NOPCHAP1: variants seen among roughly 807,000 people sequenced by gnomAD.
NOPCHAP1 encodes NOP protein chaperone 1, also known as DNA damage-sensitive RNA 1.
Under a neutral mutation model 14.0 loss-of-function variants are expected in NOPCHAP1, and 13 were observed. The observed-to-expected ratio is 0.93, with a 90% CI of 0.60 to 1.47. The LOEUF is 1.47. Among genes scored for constraint, NOPCHAP1 ranks in the 40% most tolerant of loss-of-function variants. The pLI, the probability that NOPCHAP1 is intolerant of heterozygous loss-of-function variation, is 0.00. For missense variants in NOPCHAP1, 230 were observed against 226.9 expected (o/e 1.01, Z -0.09); for synonymous variants, 78 against 78.4 (o/e 1.00, Z 0.03).
rs1873289370 is a variant in NOPCHAP1 at position 104,988,261 on chromosome 12, C to T, written c.202+8C>T. ...GGATAGAGAGGAGTCCCTGTAAGTA[C>T]CTCTTCCCCTCTCTCACCCTCTCTA... On this transcript the variant is annotated splice_region_variant and intron_variant, in intron 2 of 3. Coordinates refer to ENST00000552951, the MANE Select transcript of NOPCHAP1 (RefSeq NM_152318.3). The T allele has an allele frequency of 1.3e-6, 2 of 1,587,694 alleles. No homozygotes were observed. The highest frequency in any genetic ancestry group is 1.7e-6 in the Non-Finnish European group (2 of 1,157,740).
intron 3 of NOPCHAP1, 118 bp downstream of exon 3, chr12:104,991,966 A>C: frequency 8.2e-7 from 1 of 1,213,400 alleles, no homozygotes; most frequent in Non-Finnish European, 1.1e-6. Flanking sequence ...TCATGTTTCC[A>C]ATGTTGTATA....
At position 105,010,631 on chromosome 12, in the gene NOPCHAP1, CTA is replaced by C. The variant is rs1168224929; in HGVS notation, c.*15936_*15937del. 1.3e-5 allele frequency: 2 copies of C among 152,166 alleles called. No homozygotes were observed. The highest frequency in any genetic ancestry group is 3.8e-4 in the East Asian group (2 of 5,196). 9.4% of individuals were successfully genotyped at this position (152,166 alleles called of 1,614,324 possible). On this transcript the variant is annotated 3_prime_UTR_variant, in exon 4 of 4. Transcript: ENST00000552951. ...GGCATTTAGTGCTATAAATTTCCCTCTAAACACTGCTTTAGCTGTGTCCCAGA... is the reference window on the plus strand; with the variant it reads ...GGCATTTAGTGCTATAAATTTCCCTCAACACTGCTTTAGCTGTGTCCCAGA...
Position 104,988,177 on chromosome 12 carries a change from C to G in NOPCHAP1, c.126C>G (p.Asp42Glu), listed in dbSNP as rs1873285114. 6.2e-7 allele frequency: 1 copy of G among 1,610,512 alleles called. No homozygotes were observed. The highest frequency in any genetic ancestry group is 8.5e-7 in the Non-Finnish European group (1 of 1,177,262). ...AGSDGRGGIW[D>E]RLLINSQPKS... ...TGTCTGTATTTTCAGGTATATGGGACAGGTTGCTCATCAACTCCCAACCTA... is the reference window on the plus strand; with the variant it reads ...TGTCTGTATTTTCAGGTATATGGGAGAGGTTGCTCATCAACTCCCAACCTA... The change falls in exon 2 of 4, where the codon GAC (aspartate) becomes GAG (glutamate). Residue 42 changes from aspartate to glutamate, a missense_variant. By Grantham distance (45) the Asp-to-Glu change is conservative. Coordinates refer to ENST00000552951, the MANE Select transcript of NOPCHAP1 (RefSeq NM_152318.3).
chr12:104,993,689 T>C (rs1004374417), intron 3 of NOPCHAP1, among the ~76,000 whole-genome samples: 2 of 152,224 alleles, frequency 1.3e-5, no homozygotes, highest in African/African-American at 4.8e-5. Context: ...AGCAGTATTT[T>C]AATTTTTTTC....
Position 105,014,694 on chromosome 12 carries a change from T to C in NOPCHAP1, c.*19998T>C, listed in dbSNP as rs1281049605. 2 of 151,992 alleles carry C rather than the reference T, an allele frequency of 1.3e-5. No individual in the cohort carries two copies. The highest frequency in any genetic ancestry group is 4.8e-5 in the African/African-American group (2 of 41,378). The allele number at this position is 151,992 out of a possible 1,614,324, so 9.4% of individuals were successfully genotyped here. On this transcript the variant is annotated 3_prime_UTR_variant, in exon 4 of 4. Transcript: ENST00000552951. Reference sequence around the variant, plus strand: ...TTTTTTTGTAAAGCAAAACTTCTTATCTCAGCTATTAAAACTGTTCCACAC... The same window carrying C: ...TTTTTTTGTAAAGCAAAACTTCTTACCTCAGCTATTAAAACTGTTCCACAC...
In NOPCHAP1 at chr12:104,986,365, G is replaced by A. The variant is rs12580271; in HGVS notation, c.13G>A (p.Gly5Ser). Residue 5 changes from glycine to serine, a missense_variant, in exon 1 of 4, where the codon GGC becomes AGC. Physicochemically the swap from Gly to Ser is moderately conservative, Grantham distance 56. Coordinates refer to ENST00000552951, the MANE Select transcript of NOPCHAP1 (RefSeq NM_152318.3). ...GCTTGAGGGAAGCATGGAGGTCCAT[G>A]GCAAGCCCAAGGCTAGCCCGAGTTG... is the stretch of plus-strand genomic sequence containing the variant. MEVHGKPKASPSCSS... is the reference protein window; with the variant it reads MEVHSKPKASPSCSS... The A allele has an allele frequency of 0.013, 20,473 of 1,609,394 alleles. 825 individuals are homozygous for A. In the East Asian group the frequency reaches 0.15, roughly 12 times the overall value.
intron 3 of NOPCHAP1, 128 bp from the exon 4 acceptor site, chr12:104,994,350 A>C (rs1166830535): frequency 5.2e-6 from 5 of 957,494 alleles, no homozygotes; most frequent in Non-Finnish European, 8.2e-6. Context: ...CTGTCTCCAA[A>C]AAAAACCAAA....
rs1450389142 is a variant in NOPCHAP1, at chr12:104,988,147, T to TTG, written c.116-14_116-13dup. ...TTATGCTGTAGTAAATTAAGGGTGT[T>TTG]TGTGTGTCTGTATTTTCAGGTATAT... is the stretch of plus-strand genomic sequence containing the variant. On this transcript the variant is annotated intron_variant, in intron 1 of 3. Coordinates refer to ENST00000552951, the MANE Select transcript of NOPCHAP1 (RefSeq NM_152318.3). The TTG allele has an allele frequency of 6.4e-7, 1 of 1,569,586 alleles. No homozygotes were observed. Among genetic ancestry groups the TTG allele is most frequent in the Non-Finnish European group, 8.8e-7 (1 of 1,141,316 alleles).
Position 104,998,021 on chromosome 12 carries a change from A to G in NOPCHAP1, c.*3325A>G, listed in dbSNP as rs1247470526. 1 of 152,200 alleles carries G rather than the reference A, an allele frequency of 6.6e-6. No individual in the cohort carries two copies. Among genetic ancestry groups the G allele is most frequent in the African/African-American group, 2.4e-5 (1 of 41,440 alleles). The allele number at this position is 152,200 out of a possible 1,614,324, so 9.4% of individuals were successfully genotyped here. On this transcript the variant is annotated 3_prime_UTR_variant, in exon 4 of 4. Transcript: ENST00000552951. ...TGTGATTGCATTATGCAATTCTTGT[A>G]GTGTGTTTTTCAGCTCTGTCAGATC...
chr12:105,002,106 C>T lies in NOPCHAP1; in HGVS notation c.*7410C>T, dbSNP rs1453935780. ...AAATAAGAATGCAAAATCTCTTTTC[C>T]AGCATCCTAGTTGTTTGCAATGAAG... On this transcript the variant is annotated 3_prime_UTR_variant, in exon 4 of 4. Transcript: ENST00000552951. 2 of 152,122 alleles carry T rather than the reference C, an allele frequency of 1.3e-5. No homozygotes were observed. Among genetic ancestry groups the T allele is most frequent in the African/African-American group, 4.8e-5 (2 of 41,420 alleles). The allele number at this position is 152,122 out of a possible 1,614,324, so 9.4% of individuals were successfully genotyped here. A position where few individuals can be genotyped will look rare whatever the true frequency, so the allele number is the denominator to read the frequency against.
At chr12:104,988,408 G>C (rs1422450115) in intron 2 of NOPCHAP1, among the ~76,000 whole-genome samples, 155 bp downstream of exon 2, 1 of 152,214 alleles carries the variant, frequency 6.6e-6, no homozygotes, top group Non-Finnish European at 1.5e-5. Flanking sequence ...TCAGTACACA[G>C]AATGGAACTT....
rs780475223 is a variant in NOPCHAP1 at position 104,994,610 on chromosome 12, A to G, written c.472A>G (p.Ile158Val). 3 of 1,614,010 alleles carry G rather than the reference A, an allele frequency of 1.9e-6. No individual in the cohort carries two copies. The highest frequency in any genetic ancestry group is 2.5e-6 in the Non-Finnish European group (3 of 1,179,940). Residue 158 changes from isoleucine (I) to valine (V), a missense_variant, in exon 4 of 4, where the codon ATA (isoleucine) becomes GTA (valine). Coordinates refer to ENST00000552951, the MANE Select transcript of NOPCHAP1 (RefSeq NM_152318.3). ...EDDSIPSEVT[I>V]DNIKLPNSEG... ...TGACAGCATCCCATCTGAAGTCACCATAGATAACATTAAGCTTCCCAATTC... is the reference window on the plus strand; with the variant it reads ...TGACAGCATCCCATCTGAAGTCACCGTAGATAACATTAAGCTTCCCAATTC...
At chr12:104,990,773 A>C (rs1373514883) in intron 2 of NOPCHAP1, among the ~76,000 whole-genome samples, 3 of 152,230 alleles carry the variant, frequency 2.0e-5, no homozygotes, top group Non-Finnish European at 4.4e-5. Context: ...AAGAGGTAGA[A>C]TTAAATGTAT....
Position 105,012,656 on chromosome 12 carries a change from C to G in NOPCHAP1, c.*17960C>G, listed in dbSNP as rs943594270. 6.6e-6 allele frequency: 1 copy of G among 152,068 alleles called. No individual in the cohort carries two copies. The highest frequency in any genetic ancestry group is 2.4e-5 in the African/African-American group (1 of 41,368). 9.4% of individuals were successfully genotyped at this position (152,068 alleles called of 1,614,324 possible). On this transcript the variant is annotated 3_prime_UTR_variant, in exon 4 of 4. Coordinates refer to ENST00000552951, the MANE Select transcript of NOPCHAP1 (RefSeq NM_152318.3). ...ACCTTTGCTCTTTTATGTTGGTAAC[C>G]TTTGGGTGGGGTTTCTGTGTGGACG...
chr12:105,004,171 T>C lies in NOPCHAP1; in HGVS notation c.*9475T>C, dbSNP rs1468293525. 6.6e-6 allele frequency: 1 copy of C among 152,214 alleles called. No individual in the cohort carries two copies. The highest frequency in any genetic ancestry group is 1.5e-5 in the Non-Finnish European group (1 of 68,040). 9.4% of individuals were successfully genotyped at this position (152,214 alleles called of 1,614,324 possible). On this transcript the variant is annotated 3_prime_UTR_variant, in exon 4 of 4. Transcript: ENST00000552951. Reference sequence around the variant, plus strand: ...CCAGGGTAGAATGATCTTTATTCTCTTCTATGGTAGAGTTTAGAAAGCTTA... The same window carrying C: ...CCAGGGTAGAATGATCTTTATTCTCCTCTATGGTAGAGTTTAGAAAGCTTA...
rs1296047771 is a variant in NOPCHAP1 at position 105,000,631 on chromosome 12, T to A, written c.*5935T>A. On this transcript the variant is annotated 3_prime_UTR_variant, in exon 4 of 4. Coordinates refer to ENST00000552951, the MANE Select transcript of NOPCHAP1 (RefSeq NM_152318.3). ...CATACTGCAGCAAAAGTCTTGAGGG[T>A]CTGAACTTTTGCTGCAGTGTGGATG... 6.6e-6 allele frequency: 1 copy of A among 152,096 alleles called. No individual in the cohort carries two copies. Among genetic ancestry groups the A allele is most frequent in the African/African-American group, 2.4e-5 (1 of 41,430 alleles). The allele number at this position is 152,096 out of a possible 1,614,324, so 9.4% of individuals were successfully genotyped here.
rs548683927 is a variant in NOPCHAP1, at chr12:104,997,809, G to A, written c.*3113G>A. The A allele has an allele frequency of 3.9e-5, 6 of 152,296 alleles. No individual in the cohort carries two copies. The highest frequency in any genetic ancestry group is 2.6e-4 in the Admixed American group (4 of 15,304). 9.4% of individuals were successfully genotyped at this position (152,296 alleles called of 1,614,324 possible). A position where few individuals can be genotyped will look rare whatever the true frequency, so the allele number is the denominator to read the frequency against. On this transcript the variant is annotated 3_prime_UTR_variant, in exon 4 of 4. Transcript: ENST00000552951. ...CTGAAATATGTTTTCAAAGTTGCTT[G>A]GTTTCTCTCCCTTTCAGTCACATCA...
At position 105,001,907 on chromosome 12, in the gene NOPCHAP1, A is replaced by G. The variant is rs1307339690; in HGVS notation, c.*7211A>G. 1 of 151,982 alleles carries G rather than the reference A, an allele frequency of 6.6e-6. No homozygotes were observed. The highest frequency in any genetic ancestry group is 1.9e-4 in the East Asian group (1 of 5,202). 9.4% of individuals were successfully genotyped at this position (151,982 alleles called of 1,614,324 possible). The stretch of plus-strand genomic sequence containing the variant: ...TTATTTCTTTTCTTTTTTTAATAGT[A>G]CTTTGAGTTGCTGTTTATCCATGTT... On this transcript the variant is annotated 3_prime_UTR_variant, in exon 4 of 4. Coordinates refer to ENST00000552951, the MANE Select transcript of NOPCHAP1 (RefSeq NM_152318.3).
Position 104,994,795 on chromosome 12 carries a change from GT to G in NOPCHAP1, c.*100del. 2 of 1,072,270 alleles carry G rather than the reference GT, an allele frequency of 1.9e-6. No individual in the cohort carries two copies. Among genetic ancestry groups the G allele is most frequent in the Admixed American group, 4.5e-5 (2 of 44,200 alleles). The allele number at this position is 1,072,270 out of a possible 1,614,324, so 66.4% of individuals were successfully genotyped here. On this transcript the variant is annotated 3_prime_UTR_variant, in exon 4 of 4. Coordinates refer to ENST00000552951, the MANE Select transcript of NOPCHAP1 (RefSeq NM_152318.3). ...TTCTTTTGCTTTTCAGGCACCTATG[GT>G]GCTTTTATATGTTAAAAACTTTAGA...
Sources: allele counts gnomAD v4.1 joint callset (sites outside exome capture counted in the v4.1 genomes callset), GRCh38; gene constraint gnomAD v4.1.1; transcripts MANE v1.5; gene names NCBI Gene and HGNC (gene_info 2026-07-23, HGNC 2026-07-21).